The following DSCAM variants were observed in gnomAD, a reference collection of about 807,000 sequenced individuals.
The protein encoded by DSCAM is DS cell adhesion molecule.
DSCAM carries 47 observed loss-of-function variants against 217.7 expected under a neutral mutation model. That is an observed-to-expected ratio of 0.22 (90% CI 0.17 to 0.28). The LOEUF is 0.28. Among genes scored for constraint, DSCAM ranks in the 10% least tolerant of loss-of-function variants. DSCAM has a pLI of 1.00. For missense variants in DSCAM, 2,080 were observed against 2,618.3 expected (o/e 0.79, Z 4.49); for synonymous variants, 1,056 against 1,015.3 (o/e 1.04, Z -0.76).
intron 3 of DSCAM, among the ~76,000 whole-genome samples, chr21:40,397,294 C>T (rs1291004681): frequency 1.1e-4 from 10 of 89,516 alleles, no homozygotes; most frequent in Admixed American, 1.1e-3. Context: ...GGGTCACTCC[C>T]TCATGAAGGG....
chr21:40,035,838 A>G lies in DSCAM; in HGVS notation c.5686+6533T>C, dbSNP rs2088610852. On this transcript the variant is annotated intron_variant, in intron 32 of 32. Coordinates refer to ENST00000400454, the MANE Select transcript of DSCAM (RefSeq NM_001389.5). ...ATCTCTCAGACCACAGTGCAATCAA[A>G]CTAGAACTCAGGATTAAGAATCTCA... Among the ~76,000 whole-genome samples the G allele has an allele frequency of 1.4e-5, 2 of 145,396 alleles. 1 individual carries two copies. The highest frequency in any genetic ancestry group is 5.4e-5 in the African/African-American group (2 of 37,038).
intron 15 of DSCAM, among the ~76,000 whole-genome samples, chr21:40,167,842 A>C (rs1462210405): frequency 6.6e-6 from 1 of 152,158 alleles, no homozygotes; most frequent in Admixed American, 6.5e-5. Context: ...CGACGCGGGC[A>C]ATCACGAGAT....
chr21:40,157,385 G>T (rs368384803), intron 16 of DSCAM, among the ~76,000 whole-genome samples: 1 of 152,204 alleles, frequency 6.6e-6, no homozygotes, highest in African/African-American at 2.4e-5. Context: ...GTGTGCTGCA[G>T]GTCCAAGGCA....
chr21:40,666,244 G>GCTA (rs772444210), intron 3 of DSCAM, among the ~76,000 whole-genome samples: 8 of 152,168 alleles, frequency 5.3e-5, no homozygotes, highest in African/African-American at 9.7e-5. Context: ...GATGATGATA[G>GCTA]CTACACCCAT....
intron 3 of DSCAM, among the ~76,000 whole-genome samples, chr21:40,577,612 C>T (rs868770425): frequency 6.6e-6 from 1 of 152,292 alleles, no homozygotes; most frequent in Middle Eastern, 3.4e-3. Flanking sequence ...CCTTTATTAG[C>T]CGGCGACGAG....
intron 16 of DSCAM, among the ~76,000 whole-genome samples, chr21:40,150,803 A>C (rs1309578664): frequency 6.6e-6 from 1 of 152,206 alleles, no homozygotes; most frequent in Non-Finnish European, 1.5e-5. Flanking sequence ...GGTATAGAGA[A>C]TATATCCTTA....
chr21:40,687,667 T>C (rs1179243473), intron 3 of DSCAM, among the ~76,000 whole-genome samples: 1 of 152,176 alleles, frequency 6.6e-6, no homozygotes, highest in African/African-American at 2.4e-5. Context: ...TAATCTCTTT[T>C]CCCCTCTCTA....
At chr21:40,085,532 C>T in intron 23 of DSCAM, 70 bp downstream of exon 23, 1 of 1,303,512 alleles carries the variant, frequency 7.7e-7, no homozygotes, top group Non-Finnish European at 1.0e-6. Flanking sequence ...AAAATTTGTT[C>T]AGTGCTACTT....
intron 3 of DSCAM, among the ~76,000 whole-genome samples, chr21:40,408,594 T>C (rs2075297962): frequency 6.6e-6 from 1 of 152,184 alleles, no homozygotes; most frequent in African/African-American, 2.4e-5. Context: ...TAAGTTGGCA[T>C]TGGTTCTTGT....
intron 6 of DSCAM, among the ~76,000 whole-genome samples, chr21:40,347,459 C>T (rs2074570989): frequency 6.6e-6 from 1 of 152,196 alleles, no homozygotes; most frequent in Non-Finnish European, 1.5e-5. Context: ...TGTTACTTTA[C>T]ATTACTTCTA....
At chr21:40,396,265 A>C (rs944060016) in intron 3 of DSCAM, among the ~76,000 whole-genome samples, 2 of 152,214 alleles carry the variant, frequency 1.3e-5, no homozygotes, top group African/African-American at 4.8e-5. Flanking sequence ...TTGCACAAGA[A>C]AACTTCACTG....
intron 3 of DSCAM, among the ~76,000 whole-genome samples, chr21:40,418,595 T>C (rs1341591857): frequency 2.0e-5 from 3 of 152,188 alleles, no homozygotes; most frequent in Non-Finnish European, 2.9e-5. Context: ...AAAAGTAAGA[T>C]TGTTTAGCAA....
At chr21:40,643,579 G>A (rs1480087846) in intron 3 of DSCAM, among the ~76,000 whole-genome samples, 1 of 152,160 alleles carries the variant, frequency 6.6e-6, no homozygotes, top group Non-Finnish European at 1.5e-5. Context: ...GCCAAGAGTG[G>A]ACTCTTTTGC....
At position 40,831,912 on chromosome 21, in the gene DSCAM, A is replaced by G. The variant is rs73903028; in HGVS notation, c.43+14707T>C. Among the ~76,000 whole-genome samples, 1,369 of 152,358 alleles carry G rather than the reference A, an allele frequency of 9.0e-3. 24 individuals are homozygous for G. Among genetic ancestry groups the G allele is most frequent in the African/African-American group, 0.031 (1,299 of 41,584 alleles). ...ACTTTCCCAAAACAACTCTTTAAAG[A>G]AAATTTAACATAATCATTTTCAGCT... On this transcript the variant is annotated intron_variant, in intron 1 of 32. Coordinates refer to ENST00000400454, the MANE Select transcript of DSCAM (RefSeq NM_001389.5).
rs2091178735 is a variant in DSCAM at position 40,746,743 on chromosome 21, T to A, written c.44-37972A>T. On this transcript the variant is annotated intron_variant, in intron 1 of 32. Coordinates refer to ENST00000400454, the MANE Select transcript of DSCAM (RefSeq NM_001389.5). ...GAATCCAACAGACATTTACAGAACT[T>A]TCCACCCAATAGATTCAGAATACAC... is the stretch of plus-strand genomic sequence containing the variant. Among the ~76,000 whole-genome samples the A allele has an allele frequency of 2.0e-5, 3 of 151,902 alleles. No homozygotes were observed. The South Asian group carries it at 6.2e-4, about 31-fold the overall frequency.
At chr21:40,441,396 C>T (rs1400321316) in intron 3 of DSCAM, among the ~76,000 whole-genome samples, 1 of 152,134 alleles carries the variant, frequency 6.6e-6, no homozygotes, top group African/African-American at 2.4e-5. Context: ...CTCTAACAAG[C>T]AGGATTATTC....
chr21:40,842,364 T>C (rs1569063963), intron 1 of DSCAM, among the ~76,000 whole-genome samples: 1 of 152,246 alleles, frequency 6.6e-6, no homozygotes, highest in Non-Finnish European at 1.5e-5. Context: ...CGAAATACTA[T>C]TGAATGCACT....
intron 32 of DSCAM, among the ~76,000 whole-genome samples, chr21:40,030,436 A>G (rs557877887): frequency 1.4e-4 from 21 of 152,284 alleles, no homozygotes; most frequent in African/African-American, 3.9e-4. Context: ...AATGGCCCGG[A>G]AAGGCCTCTC....
intron 8 of DSCAM, among the ~76,000 whole-genome samples, chr21:40,335,489 C>A (rs945180215): frequency 1.2e-4 from 19 of 152,086 alleles, no homozygotes; most frequent in African/African-American, 4.6e-4. Flanking sequence ...TTCATTTATA[C>A]TGATCTGGCA....
Sources: allele counts gnomAD v4.1 joint callset (sites outside exome capture counted in the v4.1 genomes callset), GRCh38; gene constraint gnomAD v4.1.1; transcripts MANE v1.5; gene names NCBI Gene and HGNC (gene_info 2026-07-23, HGNC 2026-07-21).